RANBP2: variants seen among roughly 807,000 people sequenced by gnomAD.
RANBP2 encodes the protein E3 SUMO-protein ligase RanBP2.
RANBP2 carries 57 observed loss-of-function variants against 303.6 expected under a neutral mutation model. That is an observed-to-expected ratio of 0.19 (90% CI 0.15 to 0.23). The LOEUF is 0.23. Among genes scored for constraint, RANBP2 ranks in the 10% least tolerant of loss-of-function variants. RANBP2 has a pLI of 1.00. For synonymous variants in RANBP2, 1,167 were observed against 1,301.5 expected (o/e 0.90, Z 2.23); for missense variants, 3,138 against 3,780.8 (o/e 0.83, Z 4.46).
chr2:109,168,057 C>T, the RANBP2 span, among the ~76,000 whole-genome samples: 1 of 152,210 alleles, frequency 6.6e-6, no homozygotes, highest in Non-Finnish European at 1.5e-5. Context: ...GTGGGACTTT[C>T]ATTTACTAAA....
At chr2:109,474,868 AC>A in the RANBP2 span, among the ~76,000 whole-genome samples, 1 of 152,224 alleles carries the variant, frequency 6.6e-6, no homozygotes, top group East Asian at 1.9e-4. Flanking sequence ...TAGTCCAGCA[AC>A]CCTCCAGAGC....
the RANBP2 span, among the ~76,000 whole-genome samples, chr2:109,713,500 G>A: frequency 6.6e-6 from 1 of 152,140 alleles, no homozygotes; most frequent in Non-Finnish European, 1.5e-5. Flanking sequence ...GCCTCTCAGC[G>A]CTCCAGCTTC....
At chr2:109,615,071 G>A in the RANBP2 span, 3 of 1,549,338 alleles carry the variant, frequency 1.9e-6, no homozygotes, top group Non-Finnish European at 2.6e-6. Flanking sequence ...CCCTTGTGGG[G>A]GCTACCGCAC....
chr2:109,245,371 T>C, the RANBP2 span, among the ~76,000 whole-genome samples: 1 of 152,210 alleles, frequency 6.6e-6, no homozygotes, highest in Non-Finnish European at 1.5e-5. Context: ...TAACTGGAAT[T>C]CCCTCTTGGT....
the RANBP2 span, among the ~76,000 whole-genome samples, chr2:108,795,590 A>G: frequency 3.3e-5 from 5 of 152,254 alleles, no homozygotes; most frequent in African/African-American, 1.2e-4. Flanking sequence ...CTTTAAAACC[A>G]GTATTTCGTT....
At chr2:109,563,527 C>G in the RANBP2 span, among the ~76,000 whole-genome samples, 4 of 152,198 alleles carry the variant, frequency 2.6e-5, no homozygotes, top group Non-Finnish European at 5.9e-5. Context: ...TTCTGGAATG[C>G]TACATCAAAT....
At chr2:109,634,133 A>G in the RANBP2 span, among the ~76,000 whole-genome samples, 1 of 150,476 alleles carries the variant, frequency 6.6e-6, no homozygotes, top group African/African-American at 2.4e-5. Context: ...AAAAAAAAAA[A>G]AAAAAAAAAA....
intron 25 of RANBP2, among the ~76,000 whole-genome samples, chr2:108,780,198 C>A (rs892494604): frequency 1.5e-5 from 2 of 137,124 alleles, no homozygotes; most frequent in Non-Finnish European, 3.2e-5. Context: ...CCTTTTTTTC[C>A]TTTTTTTTTT....
At chr2:109,562,904 C>T in the RANBP2 span, among the ~76,000 whole-genome samples, 720 of 151,134 alleles carry the variant, frequency 4.8e-3, 5 homozygotes, top group African/African-American at 0.017. Flanking sequence ...GTTAAGTACA[C>T]ACAATGCTTT....
chr2:109,110,420 C>T, the RANBP2 span, among the ~76,000 whole-genome samples: 1 of 152,176 alleles, frequency 6.6e-6, no homozygotes. Flanking sequence ...TGTCCTTAAT[C>T]TTGCGATCAC....
At chr2:109,657,714 G>GTTTTTTT in the RANBP2 span, among the ~76,000 whole-genome samples, 11 of 82,228 alleles carry the variant, frequency 1.3e-4, 1 homozygote, top group Admixed American at 3.7e-4. Flanking sequence ...AATTAGCTGA[G>GTTTTTTT]TTTTTTTTTT....
At chr2:109,128,516 G>T in the RANBP2 span, 1 of 152,212 alleles carries the variant, frequency 6.6e-6, no homozygotes, top group South Asian at 2.1e-4. Flanking sequence ...GCCCCGGGGT[G>T]CCCCCTTCAA....
chr2:109,102,390 G>A, the RANBP2 span, among the ~76,000 whole-genome samples: 2 of 150,414 alleles, frequency 1.3e-5, no homozygotes, highest in South Asian at 2.1e-4. Context: ...GTGAGCCACC[G>A]CGCCCGGCTG....
the RANBP2 span, among the ~76,000 whole-genome samples, chr2:109,095,854 C>T: frequency 1.3e-5 from 2 of 152,130 alleles, no homozygotes; most frequent in African/African-American, 4.8e-5. Context: ...TTGGTTTTCT[C>T]TTTTGAAAAT....
the RANBP2 span, among the ~76,000 whole-genome samples, chr2:108,812,338 G>T: frequency 1.3e-5 from 2 of 152,100 alleles, no homozygotes; most frequent in African/African-American, 4.8e-5. Flanking sequence ...TTATAGTTCA[G>T]ATAACAGTGT....
At chr2:108,787,707 GGTT>G (rs918786730), downstream of RANBP2, among the ~76,000 whole-genome samples, 1 of 151,978 alleles carries the variant, frequency 6.6e-6, no homozygotes, top group African/African-American at 2.4e-5. Flanking sequence ...TTTTCTGTAA[GGTT>G]GTTTTTTTTT....
At chr2:108,732,770 T>C (rs561578523) in intron 4 of RANBP2, among the ~76,000 whole-genome samples, 11 of 152,306 alleles carry the variant, frequency 7.2e-5, no homozygotes, top group Admixed American at 4.6e-4. Flanking sequence ...TCTTTATACT[T>C]TGGTGATTTC....
the RANBP2 span, among the ~76,000 whole-genome samples, chr2:109,580,117 A>C: frequency 6.6e-6 from 1 of 152,062 alleles, no homozygotes; most frequent in Non-Finnish European, 1.5e-5. Context: ...GTGAAGTTCC[A>C]TCTTAAAAAA....
At chr2:109,418,383 G>A in the RANBP2 span, among the ~76,000 whole-genome samples, 1 of 152,294 alleles carries the variant, frequency 6.6e-6, no homozygotes, top group African/African-American at 2.4e-5. Flanking sequence ...CAGCTCTAGA[G>A]GTCGGAAGCC....
Sources: gnomAD v4.1 joint callset for allele counts (sites outside exome capture counted in the v4.1 genomes callset) on GRCh38, gnomAD v4.1.1 for gene constraint, MANE v1.5 for transcripts, NCBI Gene and HGNC (gene_info 2026-07-23, HGNC 2026-07-21) for gene names.